RTL4: variants seen among roughly 807,000 people sequenced by gnomAD.
RTL4 encodes the protein retrotransposon Gag-like protein 4.
RTL4 carries 4 observed loss-of-function variants against 5.3 expected under a neutral mutation model. The observed-to-expected ratio is 0.75, with a 90% confidence interval of 0.37 to 1.72. The LOEUF (loss-of-function observed/expected upper bound fraction) is 1.72. RTL4 is among the 40% of genes most tolerant of loss of function. The pLI is 0.04. For synonymous variants in RTL4, 98 were observed against 87.3 expected (o/e 1.12, Z -0.68); for missense variants, 260 against 227.1 (o/e 1.14, Z -0.93).
At chrX:112,242,895 C>T in the RTL4 span, among the ~76,000 whole-genome samples, 1 of 111,719 alleles carries the variant, frequency 9.0e-6, no homozygotes, top group Non-Finnish European at 1.9e-5. Context: ...GAGTTTTCAA[C>T]ATGAAGGGCT....
the RTL4 span, among the ~76,000 whole-genome samples, chrX:112,389,051 CT>C: frequency 9.1e-6 from 1 of 109,304 alleles, no homozygotes; most frequent in Non-Finnish European, 1.9e-5. Flanking sequence ...GGTCCTGGGC[CT>C]TTTTTTTCCT....
the RTL4 span, among the ~76,000 whole-genome samples, chrX:112,137,044 A>C: frequency 1.8e-5 from 2 of 111,867 alleles, no homozygotes; most frequent in African/African-American, 6.5e-5. Flanking sequence ...CTGCACAACA[A>C]AGGAAACAAT....
At chrX:112,380,107 A>G in the RTL4 span, among the ~76,000 whole-genome samples, 7 of 110,424 alleles carry the variant, frequency 6.3e-5, no homozygotes, top group Non-Finnish European at 1.3e-4. Context: ...CACTTCTTTC[A>G]CTAAGAATAA....
chrX:112,145,356 G>A, the RTL4 span, among the ~76,000 whole-genome samples: 2 of 111,841 alleles, frequency 1.8e-5, no homozygotes, highest in Admixed American at 9.5e-5. Flanking sequence ...TGTGAGTGGG[G>A]TGGAGAACAA....
chrX:112,125,517 T>C, the RTL4 span, among the ~76,000 whole-genome samples: 1 of 111,909 alleles, frequency 8.9e-6, no homozygotes, highest in Admixed American at 9.5e-5. Context: ...GTTCAAACTT[T>C]AAGGACAGAA....
At chrX:112,152,548 T>G in the RTL4 span, among the ~76,000 whole-genome samples, 1 of 111,455 alleles carries the variant, frequency 9.0e-6, no homozygotes, top group African/African-American at 3.3e-5. Context: ...ACCGCCCTGA[T>G]AGCAACTTGA....
chrX:112,094,101 A>G, the RTL4 span, among the ~76,000 whole-genome samples: 3 of 111,961 alleles, frequency 2.7e-5, no homozygotes, highest in South Asian at 7.5e-4. Context: ...GAAGAGTAGA[A>G]GCAGAGAGAC....
chrX:112,316,630 C>A, the RTL4 span, among the ~76,000 whole-genome samples: 1 of 111,854 alleles, frequency 8.9e-6, no homozygotes, highest in East Asian at 2.8e-4. Flanking sequence ...CGTTGCACTA[C>A]CTCTTCTGTA....
chrX:112,257,902 T>C, the RTL4 span, among the ~76,000 whole-genome samples: 5 of 106,424 alleles, frequency 4.7e-5, no homozygotes, highest in South Asian at 4.1e-4. Context: ...TATATATATA[T>C]ACACATATAT....
exon 1 of RTL4, chrX:112,455,728 C>T: frequency 2.0e-6 from 2 of 1,014,895 alleles, no homozygotes; most frequent in Non-Finnish European, 2.6e-6. Context: ...CCTGCATTAA[C>T]TTTTAAAATA....
the RTL4 span, among the ~76,000 whole-genome samples, chrX:112,317,642 T>C: frequency 9.0e-6 from 1 of 111,558 alleles, no homozygotes. Context: ...ATGCAAGGAA[T>C]GGGGAGGAGC....
the RTL4 span, among the ~76,000 whole-genome samples, chrX:112,136,398 T>C: frequency 8.9e-6 from 1 of 111,985 alleles, no homozygotes; most frequent in Admixed American, 9.5e-5. Context: ...TATCCATGCC[T>C]TTTTCCAGAT....
At chrX:112,337,165 C>T in the RTL4 span, among the ~76,000 whole-genome samples, 3 of 112,169 alleles carry the variant, frequency 2.7e-5, no homozygotes, top group Non-Finnish European at 5.6e-5. Context: ...CCTTATTAAG[C>T]ATTTTAAACA....
chrX:112,187,462 C>T, the RTL4 span, among the ~76,000 whole-genome samples: 1,974 of 111,127 alleles, frequency 0.018, 44 homozygotes, highest in African/African-American at 0.062. Flanking sequence ...CTGGGGGCAC[C>T]GTGGTACAGA....
chrX:112,144,183 T>C, the RTL4 span, among the ~76,000 whole-genome samples: 1 of 110,951 alleles, frequency 9.0e-6, no homozygotes, highest in Non-Finnish European at 1.9e-5. Context: ...GTGGGATCCC[T>C]AAAAAAAACA....
At chrX:112,244,015 T>A in the RTL4 span, among the ~76,000 whole-genome samples, 1 of 112,269 alleles carries the variant, frequency 8.9e-6, no homozygotes, top group Non-Finnish European at 1.9e-5. Context: ...TTTGAGTGAA[T>A]TTCTTAATCC....
the RTL4 span, among the ~76,000 whole-genome samples, chrX:112,227,891 G>T: frequency 9.0e-6 from 1 of 110,918 alleles, no homozygotes; most frequent in Admixed American, 9.6e-5. Flanking sequence ...AAAAATGGAG[G>T]TGTTGTGGCT....
the RTL4 span, among the ~76,000 whole-genome samples, chrX:112,321,382 A>T: frequency 1.8e-5 from 2 of 109,850 alleles, no homozygotes; most frequent in African/African-American, 6.6e-5. Context: ...CTAAAAATAC[A>T]AAAATTCGCT....
At chrX:112,111,835 G>A in the RTL4 span, among the ~76,000 whole-genome samples, 1 of 111,949 alleles carries the variant, frequency 8.9e-6, no homozygotes, top group Non-Finnish European at 1.9e-5. Flanking sequence ...CTCTCAGGCG[G>A]CATAAGTCTG....
Sources: allele counts gnomAD v4.1 joint callset (sites outside exome capture counted in the v4.1 genomes callset), GRCh38; gene constraint gnomAD v4.1.1; transcripts MANE v1.5; gene names NCBI Gene and HGNC (gene_info 2026-07-23, HGNC 2026-07-21).